CTBP2: variants seen among roughly 807,000 people sequenced by gnomAD.
CTBP2 encodes C-terminal-binding protein 2.
In CTBP2, 30 loss-of-function variants were observed where a neutral mutation model predicts 80.3. That is an observed-to-expected ratio of 0.37 (90% confidence interval 0.28 to 0.51). The LOEUF (loss-of-function observed/expected upper bound fraction) is 0.51, where lower values mean the gene tolerates loss of function less well. Ranked by LOEUF, CTBP2 falls within the 20% of genes least tolerant of loss-of-function variation. CTBP2 has a pLI of 0.93. For missense variants in CTBP2, 1,212 were observed against 1,375.3 expected (o/e 0.88, Z 1.88); for synonymous variants, 594 against 587.4 (o/e 1.01, Z -0.16).
chr10:124,996,135 A>AC (rs1953518497), intron 4 of CTBP2: 1 of 146,220 alleles, frequency 6.8e-6, no homozygotes, highest in East Asian at 2.0e-4. Context: ...TAATCCTGCT[A>AC]CTGACTTAAT....
chr10:125,009,379 A>G (rs1480464021), intron 1 of CTBP2, among the ~76,000 whole-genome samples: 1 of 152,136 alleles, frequency 6.6e-6, no homozygotes, highest in Non-Finnish European at 1.5e-5. Flanking sequence ...AAGAAAGAGG[A>G]GACAAAACCA....
chr10:125,027,188 C>A lies in CTBP2; in HGVS notation c.572G>T (p.Arg191Leu), dbSNP rs759751058. The change falls in exon 1 of 9, where the codon CGG (arginine) becomes CTG (leucine). Residue 191 changes from arginine (R) to leucine (L), a missense_variant. Coordinates refer to ENST00000309035, the MANE Select transcript of CTBP2 (RefSeq NM_022802.3). ...CCCATACCTGGTGTCGGGCTGCTCCCGTCCATACCGCCCGGGAGATGCAGC... is the reference window on the plus strand; with the variant it reads ...CCCATACCTGGTGTCGGGCTGCTCCAGTCCATACCGCCCGGGAGATGCAGC... 3.7e-6 allele frequency: 6 copies of A among 1,608,364 alleles called. No homozygotes were observed. Among genetic ancestry groups the A allele is most frequent in the Non-Finnish European group, 5.1e-6 (6 of 1,175,942 alleles).
At chr10:125,107,329 A>G (rs1851613696) in intron 2 of CTBP2, among the ~76,000 whole-genome samples, 1 of 152,198 alleles carries the variant, frequency 6.6e-6, no homozygotes, top group African/African-American at 2.4e-5. Context: ...CTGGAGCAGG[A>G]TCACACGGCC....
intron 2 of CTBP2, among the ~76,000 whole-genome samples, chr10:125,058,445 C>T (rs112696146): frequency 5.3e-5 from 8 of 152,300 alleles, no homozygotes; most frequent in African/African-American, 1.2e-4. Context: ...ATCTGGAGGA[C>T]GGTGTTCACA....
chr10:125,093,862 G>GGT (rs975909995), intron 2 of CTBP2, among the ~76,000 whole-genome samples: 1 of 152,098 alleles, frequency 6.6e-6, no homozygotes, highest in Admixed American at 6.5e-5. Flanking sequence ...GGAAAACCCG[G>GGT]GTGTTTGATT....
intron 2 of CTBP2, 80 bp downstream of exon 4, chr10:125,003,258 T>TG: frequency 1.3e-6 from 2 of 1,588,252 alleles, no homozygotes; most frequent in South Asian, 1.1e-5. Context: ...GCCGGTGACT[T>TG]GGGGCGATCT....
At chr10:125,033,364 G>C (rs1159073478) in intron 3 of CTBP2, among the ~76,000 whole-genome samples, 2 of 152,244 alleles carry the variant, frequency 1.3e-5, no homozygotes, top group Non-Finnish European at 2.9e-5. Flanking sequence ...CAGAGACAGA[G>C]GAACGCCCTC....
At position 124,986,084 on chromosome 10, in the gene CTBP2, T is replaced by C. The variant is rs1327541180; in HGVS notation, c.*3434A>G. ...GCATGTTGGTTAATTGTGGCCATTC[T>C]TTAATTTAAAGTTAAAACTATAATC... On this transcript the variant is annotated 3_prime_UTR_variant, in exon 9 of 9. Transcript: ENST00000309035. 1 of 152,634 alleles carries C rather than the reference T, an allele frequency of 6.6e-6. No individual in the cohort carries two copies. The highest frequency in any genetic ancestry group is 2.4e-5 in the African/African-American group (1 of 41,432). 9.5% of individuals were successfully genotyped at this position (152,634 alleles called of 1,614,324 possible).
At chr10:125,141,473 C>T (rs532600511) in intron 1 of CTBP2, among the ~76,000 whole-genome samples, 67 of 152,270 alleles carry the variant, frequency 4.4e-4, no homozygotes, top group African/African-American at 1.6e-3. Flanking sequence ...CCACAAACCA[C>T]CCTTCTTGAC....
At chr10:125,018,078 T>A (rs116604506) in intron 1 of CTBP2, among the ~76,000 whole-genome samples, 259 of 152,360 alleles carry the variant, frequency 1.7e-3, no homozygotes, top group African/African-American at 6.0e-3. Flanking sequence ...GATTTTCCCT[T>A]GCTGTGCTAA....
intron 2 of CTBP2, among the ~76,000 whole-genome samples, chr10:125,076,353 C>T (rs973430936): frequency 6.6e-5 from 10 of 152,304 alleles, no homozygotes; most frequent in Middle Eastern, 3.4e-3. Context: ...TTTGGGAGCA[C>T]GGCCATCGCC....
rs112058365 is a variant in CTBP2 at position 124,993,905 on chromosome 10, C to T, written c.2481G>A (p.Glu827=). The change falls in exon 6 of 9, where the codon GAG becomes GAA. Residue 827 remains glutamate, a synonymous_variant. Coordinates refer to ENST00000309035, the MANE Select transcript of CTBP2 (RefSeq NM_022802.3). ...CGAGGGCTGCCCCTCGTATCCTGCC[C>T]TCCTTGAGGGCTTGTGCTAAGGCTT... 1.9e-6 allele frequency: 3 copies of T among 1,614,080 alleles called. No homozygotes were observed. The highest frequency in any genetic ancestry group is 2.7e-5 in the African/African-American group (2 of 74,952).
At chr10:125,110,422 T>C (rs1476090325) in intron 2 of CTBP2, among the ~76,000 whole-genome samples, 4 of 152,106 alleles carry the variant, frequency 2.6e-5, no homozygotes, top group African/African-American at 9.7e-5. Context: ...ATGAGTGTGG[T>C]AGGGATTGAA....
chr10:125,056,273 T>C (rs771389085), intron 2 of CTBP2, among the ~76,000 whole-genome samples: 10 of 152,224 alleles, frequency 6.6e-5, no homozygotes, highest in African/African-American at 2.4e-4. Flanking sequence ...AGAACTATTC[T>C]AAGCGGCTGT....
chr10:125,053,185 G>A (rs745949430), intron 2 of CTBP2, among the ~76,000 whole-genome samples: 3 of 152,168 alleles, frequency 2.0e-5, no homozygotes, highest in Admixed American at 6.5e-5. Flanking sequence ...CTCAGGGCAG[G>A]TGCAGCATTC....
intron 1 of CTBP2, among the ~76,000 whole-genome samples, chr10:125,125,240 C>G (rs747147819): frequency 1.3e-5 from 2 of 152,232 alleles, no homozygotes; most frequent in Non-Finnish European, 2.9e-5. Context: ...CCTCCAAACT[C>G]ATTCTCATAA....
At chr10:125,125,944 C>T (rs1366665786) in intron 1 of CTBP2, among the ~76,000 whole-genome samples, 3 of 152,204 alleles carry the variant, frequency 2.0e-5, no homozygotes, top group African/African-American at 4.8e-5. Flanking sequence ...CTAAGAACAT[C>T]GGAAGAAGTG....
chr10:125,063,125 T>G (rs1421841545), intron 2 of CTBP2, among the ~76,000 whole-genome samples: 1 of 152,240 alleles, frequency 6.6e-6, no homozygotes, highest in Admixed American at 6.5e-5. Context: ...CAGCCGCAAC[T>G]GTGTGCTGTG....
intron 2 of CTBP2, among the ~76,000 whole-genome samples, chr10:125,041,172 C>A (rs955737939): frequency 6.6e-6 from 1 of 152,208 alleles, no homozygotes; most frequent in Non-Finnish European, 1.5e-5. Context: ...GCCTCAACCT[C>A]CCAGGCTCAA....
Sources: allele counts gnomAD v4.1 joint callset (sites outside exome capture counted in the v4.1 genomes callset), GRCh38; gene constraint gnomAD v4.1.1; transcripts MANE v1.5; gene names NCBI Gene and HGNC (gene_info 2026-07-23, HGNC 2026-07-21).